Variants in PKIB observed in about 807,000 individuals in gnomAD.
PKIB encodes the protein PKI-beta.
Under a neutral mutation model 4.5 loss-of-function variants are expected in PKIB, and 2 were observed. The ratio of observed to expected loss-of-function variants is 0.44; its 90% CI spans 0.18 to 1.39. The LOEUF (loss-of-function observed/expected upper bound fraction) is 1.39. Ranked by LOEUF, PKIB falls within the 40% of genes most tolerant of loss-of-function variation. The pLI, the probability that PKIB is intolerant of heterozygous loss-of-function variation, is 0.27. For missense variants in PKIB, 94 were observed against 92.6 expected (o/e 1.02, Z -0.06); for synonymous variants, 38 against 36.0 (o/e 1.06, Z -0.20).
chr6:122,620,722 AT>A (rs1206566383), intron 1 of PKIB, among the ~76,000 whole-genome samples: 9 of 152,100 alleles, frequency 5.9e-5, no homozygotes, highest in Non-Finnish European at 1.0e-4. Context: ...TTCCTATTTA[AT>A]TTTTTAATTA....
chr6:122,690,968 G>A lies in PKIB; in HGVS notation c.-9+15824G>A, dbSNP rs76789596. Among the ~76,000 whole-genome samples, 35 of 144,892 alleles carry A rather than the reference G, an allele frequency of 2.4e-4. No individual in the cohort carries two copies. In the East Asian group the frequency reaches 6.0e-3, roughly 25 times the overall value. ...TTTTTGCCAAATATACTATTCTAGGGTAAAAGGTTTTTTTCCTTTAGCCCT... is the reference window on the plus strand; with the variant it reads ...TTTTTGCCAAATATACTATTCTAGGATAAAAGGTTTTTTTCCTTTAGCCCT... On this transcript the variant is annotated intron_variant, in intron 3 of 4. Coordinates refer to ENST00000368452, the MANE Select transcript of PKIB (RefSeq NM_181795.3).
chr6:122,703,935 TATATATAGAGAG>T (rs549619916), intron 3 of PKIB, among the ~76,000 whole-genome samples: 3,451 of 128,492 alleles, frequency 0.027, 73 homozygotes, highest in Middle Eastern at 0.072. Context: ...TATATATATA[TATATATAGAGAG>T]AGAGAGAGAG....
chr6:122,717,419 A>C (rs7752863), intron 3 of PKIB: 268,940 of 270,836 alleles, frequency 0.99, 133,559 homozygotes, highest in Middle Eastern at 1. Flanking sequence ...TACTGGCAGA[A>C]AGAGTCTCTA....
chr6:122,481,179 A>G (rs1212378279), intron 2 of PKIB: 2 of 152,214 alleles, frequency 1.3e-5, no homozygotes, highest in African/African-American at 4.8e-5. Context: ...GATGTAATGC[A>G]CTAAGGAGTG....
Position 122,473,994 on chromosome 6 carries a change from A to G in PKIB, c.-337+1953A>G. On this transcript the variant is annotated intron_variant, in intron 1 of 6. Coordinates refer to the PKIB transcript ENST00000392491. Reference sequence around the variant, plus strand: ...CTAAAAATACAAAAATTAGCAGGGCATGGTGGCACACCTCTGTAATCCCAG... The same window carrying G: ...CTAAAAATACAAAAATTAGCAGGGCGTGGTGGCACACCTCTGTAATCCCAG... Among the ~76,000 whole-genome samples the G allele has an allele frequency of 1.3e-5, 2 of 152,200 alleles. 1 individual carries two copies.
intron 3 of PKIB, among the ~76,000 whole-genome samples, chr6:122,594,127 A>G (rs1482915704): frequency 2.0e-5 from 3 of 152,248 alleles, no homozygotes; most frequent in East Asian, 3.8e-4. Context: ...AAGCTATTAC[A>G]TAAAGTTAAC....
At chr6:122,639,253 C>T (rs1386662351) in intron 2 of PKIB, among the ~76,000 whole-genome samples, 1 of 152,048 alleles carries the variant, frequency 6.6e-6, no homozygotes, top group Admixed American at 6.6e-5. Flanking sequence ...AAATGGAAAA[C>T]AAAACAAAAC....
intron 3 of PKIB, among the ~76,000 whole-genome samples, chr6:122,593,520 G>C (rs532599938): frequency 3.9e-5 from 6 of 152,204 alleles, no homozygotes; most frequent in Non-Finnish European, 7.4e-5. Context: ...CATTGCTATT[G>C]ATAGTGACTT....
intron 2 of PKIB, among the ~76,000 whole-genome samples, chr6:122,571,580 A>G (rs1309663195): frequency 6.6e-6 from 1 of 152,212 alleles, no homozygotes; most frequent in Non-Finnish European, 1.5e-5. Context: ...GCCAGAAGGG[A>G]TTGGGGTCCT....
intron 2 of PKIB, among the ~76,000 whole-genome samples, chr6:122,634,165 A>G (rs1420281750): frequency 6.6e-6 from 1 of 152,080 alleles, no homozygotes; most frequent in African/African-American, 2.4e-5. Flanking sequence ...CAATGAGAAC[A>G]CATGGACATA....
At chr6:122,578,941 T>C (rs1217948910) in intron 2 of PKIB, among the ~76,000 whole-genome samples, 3 of 152,232 alleles carry the variant, frequency 2.0e-5, no homozygotes, top group African/African-American at 7.2e-5. Context: ...CCTGCCACCA[T>C]GTAAAGAAGA....
chr6:122,595,289 G>A (rs1246819661), intron 3 of PKIB, among the ~76,000 whole-genome samples: 1 of 152,140 alleles, frequency 6.6e-6, no homozygotes, highest in Non-Finnish European at 1.5e-5. Flanking sequence ...CACGTAGTTG[G>A]CATTGTAATT....
At chr6:122,543,162 G>T (rs935674492) in intron 2 of PKIB, among the ~76,000 whole-genome samples, 2 of 151,482 alleles carry the variant, frequency 1.3e-5, no homozygotes, top group South Asian at 2.1e-4. Context: ...CCCCTTGCGC[G>T]TCCCGAGTGA....
At chr6:122,671,870 GTAAT>G (rs1777478255) in intron 2 of PKIB, among the ~76,000 whole-genome samples, 1 of 152,058 alleles carries the variant, frequency 6.6e-6, no homozygotes, top group African/African-American at 2.4e-5. Context: ...GGCTGCTTGA[GTAAT>G]TAAAACTCAA....
At chr6:122,491,469 A>C (rs1775931752) in intron 2 of PKIB, among the ~76,000 whole-genome samples, 1 of 152,046 alleles carries the variant, frequency 6.6e-6, no homozygotes, top group Non-Finnish European at 1.5e-5. Flanking sequence ...GTCACCTGAC[A>C]TTCCTGTTGG....
At chr6:122,708,352 T>G (rs968787926) in intron 3 of PKIB, among the ~76,000 whole-genome samples, 1 of 152,168 alleles carries the variant, frequency 6.6e-6, no homozygotes. Flanking sequence ...TTAAGAATGC[T>G]TTTTTAGGCA....
At chr6:122,700,897 A>G (rs1302242094) in intron 3 of PKIB, among the ~76,000 whole-genome samples, 2 of 152,136 alleles carry the variant, frequency 1.3e-5, no homozygotes, top group African/African-American at 2.4e-5. Flanking sequence ...TCATTAGTCT[A>G]TGGCTTGGAT....
chr6:122,659,672 G>T (rs1414024364), intron 2 of PKIB, among the ~76,000 whole-genome samples: 1 of 152,036 alleles, frequency 6.6e-6, no homozygotes, highest in Non-Finnish European at 1.5e-5. Context: ...AATTTCAGGG[G>T]TACAAGTGCA....
chr6:122,555,276 C>T (rs893902099), intron 2 of PKIB, among the ~76,000 whole-genome samples: 2 of 151,998 alleles, frequency 1.3e-5, no homozygotes, highest in South Asian at 2.1e-4. Flanking sequence ...AGCAGAAGGA[C>T]CAAGATGTAC....
Sources: allele counts gnomAD v4.1 joint callset (sites outside exome capture counted in the v4.1 genomes callset), GRCh38; gene constraint gnomAD v4.1.1; transcripts MANE v1.5; gene names NCBI Gene and HGNC (gene_info 2026-07-23, HGNC 2026-07-21).